Variants in PCNX1 observed in about 807,000 individuals in gnomAD.
PCNX1 encodes pecanex-like protein 1.
In PCNX1, 78 loss-of-function variants were observed where a neutral mutation model predicts 242.2. That is an observed-to-expected ratio of 0.32 (90% CI 0.27 to 0.39). PCNX1 has a LOEUF of 0.39. Ranked by LOEUF, PCNX1 falls within the 10% of genes least tolerant of loss-of-function variation. The pLI, the probability that PCNX1 is intolerant of heterozygous loss-of-function variation, is 1.00. For missense variants in PCNX1, 2,581 were observed against 2,856.5 expected (o/e 0.90, Z 2.20); for synonymous variants, 1,024 against 1,032.9 (o/e 0.99, Z 0.17).
At chr14:71,069,659 A>G (rs1428826209) in intron 26 of PCNX1, among the ~76,000 whole-genome samples, 1 of 152,244 alleles carries the variant, frequency 6.6e-6, no homozygotes, top group African/African-American at 2.4e-5. Context: ...AATGTGCAAT[A>G]GCATTATGGC....
chr14:70,948,012 C>G (rs2057528787), intron 2 of PCNX1, among the ~76,000 whole-genome samples: 1 of 152,118 alleles, frequency 6.6e-6, no homozygotes. Flanking sequence ...TTGGGAAATT[C>G]CAGCCTGGCG....
At position 70,979,303 on chromosome 14, in the gene PCNX1, C is replaced by T. The variant is rs187201811; in HGVS notation, c.2311+655C>T. Among the ~76,000 whole-genome samples, 47 of 152,004 alleles carry T rather than the reference C, an allele frequency of 3.1e-4. 1 individual carries two copies. The highest frequency in any genetic ancestry group is 4.7e-4 in the Non-Finnish European group (32 of 67,942). ...TATCCATTAATTGATGTAAGATGCC[C>T]CCATAATAACAGTGATGGTGTTCTG... On this transcript the variant is annotated intron_variant, in intron 6 of 35. Transcript: ENST00000304743.
chr14:71,017,193 T>C lies in PCNX1; in HGVS notation c.2997-1816T>C, dbSNP rs371990145. On this transcript the variant is annotated intron_variant, in intron 11 of 35. Coordinates refer to ENST00000304743, the MANE Select transcript of PCNX1 (RefSeq NM_014982.3). ...TTCATTCTGAAAGAACTACATGACC[T>C]TAATTGTCTTACATCTATTAAATAA... Among the ~76,000 whole-genome samples, 8 of 152,224 alleles carry C rather than the reference T, an allele frequency of 5.3e-5. No individual in the cohort carries two copies. The East Asian group carries it at 1.5e-3, about 29-fold the overall frequency.
At chr14:71,043,532 G>T (rs750884624) in intron 19 of PCNX1, among the ~76,000 whole-genome samples, 4 of 150,202 alleles carry the variant, frequency 2.7e-5, no homozygotes, top group Non-Finnish European at 5.9e-5. Flanking sequence ...CCTTCCTGGG[G>T]TTGGTTGGTT....
chr14:71,070,735 T>G (rs905593534), intron 26 of PCNX1, among the ~76,000 whole-genome samples: 1 of 152,182 alleles, frequency 6.6e-6, no homozygotes, highest in East Asian at 1.9e-4. Flanking sequence ...TAGAGGAAAT[T>G]TAGCATAATT....
chr14:70,946,003 T>G (rs764023807), intron 1 of PCNX1, among the ~76,000 whole-genome samples: 1 of 152,236 alleles, frequency 6.6e-6, no homozygotes, highest in Non-Finnish European at 1.5e-5. Flanking sequence ...CTCTAGGCCT[T>G]GCCTTCCCAG....
At chr14:71,005,595 T>C (rs1195092118) in intron 8 of PCNX1, among the ~76,000 whole-genome samples, 1 of 152,162 alleles carries the variant, frequency 6.6e-6, no homozygotes, top group Non-Finnish European at 1.5e-5. Context: ...AACTTCGTTT[T>C]GTATGGTGAG....
intron 28 of PCNX1, among the ~76,000 whole-genome samples, chr14:71,081,466 T>C (rs1303823786): frequency 6.6e-6 from 1 of 152,230 alleles, no homozygotes; most frequent in East Asian, 1.9e-4. Context: ...TTCGTACCTC[T>C]GGTAGAATTC....
intron 8 of PCNX1, among the ~76,000 whole-genome samples, chr14:70,997,894 G>C (rs2140359649): frequency 6.6e-6 from 1 of 152,162 alleles, no homozygotes; most frequent in East Asian, 1.9e-4. Flanking sequence ...GAATGAATTT[G>C]GGTACTTTAT....
At chr14:70,999,790 T>C (rs1432799533) in intron 8 of PCNX1, among the ~76,000 whole-genome samples, 2 of 152,170 alleles carry the variant, frequency 1.3e-5, no homozygotes, top group African/African-American at 4.8e-5. Context: ...TTTTCTACTT[T>C]AAAAAGCAGA....
chr14:71,063,521 A>G (rs2061374067), intron 26 of PCNX1, among the ~76,000 whole-genome samples: 1 of 152,172 alleles, frequency 6.6e-6, no homozygotes, highest in Admixed American at 6.6e-5. Context: ...TGTTCATTCC[A>G]GAGCTCTCAT....
At chr14:71,090,855 G>A (rs558482503) in intron 30 of PCNX1, among the ~76,000 whole-genome samples, 26 of 152,332 alleles carry the variant, frequency 1.7e-4, no homozygotes, top group African/African-American at 6.0e-4. Flanking sequence ...TAAAGCCTCT[G>A]ATGCCTTGGG....
intron 28 of PCNX1, among the ~76,000 whole-genome samples, chr14:71,085,268 G>A (rs749553343): frequency 1.1e-4 from 17 of 152,172 alleles, no homozygotes; most frequent in Non-Finnish European, 2.2e-4. Flanking sequence ...GGGAGCTGTA[G>A]ACCGGAGCTG....
At chr14:71,099,000 A>T (rs2062385964) in intron 30 of PCNX1, among the ~76,000 whole-genome samples, 1 of 152,018 alleles carries the variant, frequency 6.6e-6, no homozygotes, top group Non-Finnish European at 1.5e-5. Context: ...ATTTCAAATA[A>T]TTTTTTTATT....
chr14:71,017,201 C>G (rs747295781), intron 11 of PCNX1, among the ~76,000 whole-genome samples: 3 of 152,162 alleles, frequency 2.0e-5, no homozygotes, highest in Admixed American at 6.5e-5. Context: ...CCTTAATTGT[C>G]TTACATCTAT....
Position 71,109,583 on chromosome 14 carries a change from G to A in PCNX1, c.6876G>A (p.Met2292Ile), listed in dbSNP as rs1477506201. 8 of 1,614,024 alleles carry A rather than the reference G, an allele frequency of 5.0e-6. No individual in the cohort carries two copies. Among genetic ancestry groups the A allele is most frequent in the Non-Finnish European group, 6.8e-6 (8 of 1,180,014 alleles). ...SWKDWSPQEG[M>I]EGHVIHRWVP... ...AAGACTGGAGTCCGCAGGAGGGCAT[G>A]GAAGGCCATGTAAGTTCTTTTACAA... Residue 2292 changes from methionine (M) to isoleucine (I), a missense_variant, in exon 35 of 36, where the codon ATG (methionine) becomes ATA (isoleucine). By Grantham distance (10) the Met-to-Ile change is conservative. Around this residue, in one of 9 missense-constraint regions of PCNX1, gnomAD observed 432 missense variants for 433.6 expected, o/e 1.00. Transcript: ENST00000304743.
At chr14:70,934,570 A>T (rs2056927824) in intron 1 of PCNX1, among the ~76,000 whole-genome samples, 1 of 152,090 alleles carries the variant, frequency 6.6e-6, no homozygotes, top group Non-Finnish European at 1.5e-5. Flanking sequence ...AGTCATAACC[A>T]CTGGGTACAG....
chr14:71,110,042 T>C lies in PCNX1; in HGVS notation c.*107T>C, dbSNP rs768647194. ...CTGCAGGTATCACTTTGATCCTATG[T>C]GGGAGCGACTGAAAATAGAATGAGC... On this transcript the variant is annotated 3_prime_UTR_variant, in exon 36 of 36. Coordinates refer to ENST00000304743, the MANE Select transcript of PCNX1 (RefSeq NM_014982.3). 2 of 985,434 alleles carry C rather than the reference T, an allele frequency of 2.0e-6. No homozygotes were observed. The highest frequency in any genetic ancestry group is 1.7e-5 in the Admixed American group (1 of 57,576). The allele number at this position is 985,434 out of a possible 1,614,324, so 61.0% of individuals were successfully genotyped here.
intron 25 of PCNX1, 144 bp downstream of exon 25, chr14:71,055,706 T>C (rs1490976986): frequency 7.8e-6 from 4 of 514,698 alleles, no homozygotes; most frequent in South Asian, 4.3e-5. Flanking sequence ...TGTTTTACTT[T>C]AGCAAAATAT....
Sources: gnomAD v4.1 joint callset for allele counts (sites outside exome capture counted in the v4.1 genomes callset) on GRCh38, gnomAD v4.1.1 for gene constraint, gnomAD v4.1.1 regional missense constraint, MANE v1.5 for transcripts, NCBI Gene and HGNC (gene_info 2026-07-23, HGNC 2026-07-21) for gene names.